CTNNA3: variants seen among roughly 807,000 people sequenced by gnomAD.
CTNNA3 encodes the protein catenin alpha 3.
A neutral mutation model predicts 95.7 loss-of-function variants in CTNNA3; 76 were observed. That is an observed-to-expected ratio of 0.79 (90% CI 0.66 to 0.96). The LOEUF (loss-of-function observed/expected upper bound fraction) is 0.96. Among genes scored for constraint, CTNNA3 ranks in the 40% least tolerant of loss-of-function variants. The pLI is 0.00. For missense variants in CTNNA3, 1,191 were observed against 1,089.8 expected (o/e 1.09, Z -1.31); for synonymous variants, 431 against 374.4 (o/e 1.15, Z -1.74).
At chr10:67,109,702 G>A (rs888067638) in intron 7 of CTNNA3, among the ~76,000 whole-genome samples, 6 of 152,144 alleles carry the variant, frequency 3.9e-5, no homozygotes, top group Non-Finnish European at 7.3e-5. Flanking sequence ...AATTGGCTGG[G>A]CGCAGTGGCC....
At chr10:67,261,971 T>C (rs1257049898) in intron 5 of CTNNA3, among the ~76,000 whole-genome samples, 2 of 152,224 alleles carry the variant, frequency 1.3e-5, no homozygotes, top group Non-Finnish European at 2.9e-5. Context: ...ACTGACTATG[T>C]GTTGAGAACT....
intron 13 of CTNNA3, among the ~76,000 whole-genome samples, chr10:66,259,314 AAGTAACCAGAC>A (rs1346619818): frequency 3.9e-5 from 6 of 152,144 alleles, no homozygotes; most frequent in Non-Finnish European, 7.3e-5. Context: ...TTTCAGCAGG[AAGTAACCAGAC>A]AGACCTGGGG....
chr10:66,946,372 T>C (rs1468171878), intron 7 of CTNNA3, among the ~76,000 whole-genome samples: 1 of 152,182 alleles, frequency 6.6e-6, no homozygotes, highest in Non-Finnish European at 1.5e-5. Context: ...GAGACATTTG[T>C]ATAGTTTAAA....
chr10:66,258,824 C>T (rs923303575), intron 13 of CTNNA3, among the ~76,000 whole-genome samples: 1 of 152,122 alleles, frequency 6.6e-6, no homozygotes, highest in Non-Finnish European at 1.5e-5. Flanking sequence ...CTGCTAATTA[C>T]CCCCTAGCTA....
rs201427274 is a variant in CTNNA3, at chr10:66,039,174, A to G, written c.2159+30134T>C. On this transcript the variant is annotated intron_variant, in intron 15 of 17. Coordinates refer to ENST00000433211, the MANE Select transcript of CTNNA3 (RefSeq NM_013266.4). ...CCACAGAATGAATAAAAGACCTAGGAATACAGGCAGCCAGGGAGGTGAAAG... is the reference window on the plus strand; with the variant it reads ...CCACAGAATGAATAAAAGACCTAGGGATACAGGCAGCCAGGGAGGTGAAAG... 1.9e-4 allele frequency among the ~76,000 whole-genome samples: 29 copies of G among 152,312 alleles called. No individual in the cohort carries two copies. In the East Asian group the frequency reaches 3.3e-3, roughly 17 times the overall value.
intron 2 of CTNNA3, among the ~76,000 whole-genome samples, chr10:67,629,275 G>A (rs571815932): frequency 5.9e-5 from 9 of 151,936 alleles, no homozygotes; most frequent in Admixed American, 2.0e-4. Flanking sequence ...TTTTTCACCC[G>A]AACTTCCAGA....
intron 9 of CTNNA3, among the ~76,000 whole-genome samples, chr10:66,651,814 C>A (rs994578224): frequency 1.1e-4 from 3 of 28,476 alleles, no homozygotes; most frequent in African/African-American, 4.8e-4. Flanking sequence ...GGTTCCCACC[C>A]GCGCCTCTCC....
chr10:67,100,457 T>C (rs1858276087), intron 7 of CTNNA3, among the ~76,000 whole-genome samples: 1 of 151,788 alleles, frequency 6.6e-6, no homozygotes, highest in African/African-American at 2.4e-5. Flanking sequence ...TCTGAAAGAC[T>C]GTGTCTGGAA....
chr10:67,712,287 A>C (rs1211131131), intron 1 of CTNNA3, among the ~76,000 whole-genome samples: 1 of 152,242 alleles, frequency 6.6e-6, no homozygotes, highest in African/African-American at 2.4e-5. Flanking sequence ...GATAGAAAAG[A>C]AAATCCCATT....
intron 5 of CTNNA3, among the ~76,000 whole-genome samples, chr10:67,480,780 T>C (rs558204355): frequency 6.6e-6 from 1 of 152,280 alleles, no homozygotes; most frequent in East Asian, 1.9e-4. Flanking sequence ...GATTCCCACT[T>C]TGTACTCTAT....
intron 15 of CTNNA3, among the ~76,000 whole-genome samples, chr10:66,029,493 G>A (rs2079409171): frequency 6.6e-6 from 1 of 152,096 alleles, no homozygotes; most frequent in Admixed American, 6.6e-5. Context: ...TCTGTGTACT[G>A]AACTTCCTTA....
chr10:67,140,763 TA>T (rs1860519651), intron 7 of CTNNA3, among the ~76,000 whole-genome samples: 1 of 152,238 alleles, frequency 6.6e-6, no homozygotes, highest in Admixed American at 6.5e-5. Context: ...TATTTGGTTT[TA>T]TGTGCCACGT....
chr10:67,223,531 G>A (rs759129887), intron 5 of CTNNA3, among the ~76,000 whole-genome samples: 1 of 152,116 alleles, frequency 6.6e-6, no homozygotes, highest in Non-Finnish European at 1.5e-5. Flanking sequence ...AAGTTAAGAA[G>A]ACATTAAATG....
chr10:66,511,178 T>C (rs1840644309), intron 11 of CTNNA3, among the ~76,000 whole-genome samples: 1 of 151,796 alleles, frequency 6.6e-6, no homozygotes, highest in Non-Finnish European at 1.5e-5. Flanking sequence ...TGGTGTATAG[T>C]TGTTCCTAAC....
intron 6 of CTNNA3, among the ~76,000 whole-genome samples, chr10:67,186,253 TG>T (rs1228144186): frequency 9.2e-5 from 14 of 152,318 alleles, no homozygotes; most frequent in African/African-American, 3.4e-4. Flanking sequence ...AAGAAAAAAC[TG>T]CCGTGATTTT....
At chr10:66,830,575 C>T (rs1036978937) in intron 7 of CTNNA3, among the ~76,000 whole-genome samples, 4 of 151,462 alleles carry the variant, frequency 2.6e-5, no homozygotes, top group Non-Finnish European at 5.9e-5. Flanking sequence ...ATTCTAAACA[C>T]CTCAACCCCT....
At chr10:67,294,837 G>T (rs974253158) in intron 5 of CTNNA3, among the ~76,000 whole-genome samples, 4 of 152,150 alleles carry the variant, frequency 2.6e-5, no homozygotes, top group African/African-American at 9.7e-5. Flanking sequence ...CTAGACTGAG[G>T]TGTTGTGATT....
intron 9 of CTNNA3, among the ~76,000 whole-genome samples, chr10:66,712,604 T>C (rs544115959): frequency 7.0e-6 from 1 of 143,478 alleles, no homozygotes; most frequent in Admixed American, 6.7e-5. Context: ...TCTCTCTCTC[T>C]CTCTCACACA....
At position 66,499,806 on chromosome 10, in the gene CTNNA3, C is replaced by CTTT. The variant is rs34040723; in HGVS notation, c.1531+20808_1531+20810dup. Among the ~76,000 whole-genome samples, 114 of 140,672 alleles carry CTTT rather than the reference C, an allele frequency of 8.1e-4. 1 individual carries two copies. Among genetic ancestry groups the CTTT allele is most frequent in the Middle Eastern group, 7.8e-3 (2 of 258 alleles). The allele number at this position is 140,672 out of a possible 152,430, so 92.3% of individuals were successfully genotyped here. A position where few individuals can be genotyped will look rare whatever the true frequency, so the allele number is the denominator to read the frequency against. On this transcript the variant is annotated intron_variant, in intron 11 of 17. Transcript: ENST00000433211. ...TTCCACACATTAACAGTTGCATTTC[C>CTTT]TTTTTTTTTTTTTTTTAACAGAGTA...
Sources: gnomAD v4.1 joint callset for allele counts (sites outside exome capture counted in the v4.1 genomes callset) on GRCh38, gnomAD v4.1.1 for gene constraint, MANE v1.5 for transcripts, NCBI Gene and HGNC (gene_info 2026-07-23, HGNC 2026-07-21) for gene names.